ZNF667: variants seen among roughly 807,000 people sequenced by gnomAD.
The protein encoded by ZNF667 is zinc finger protein 667, also known as myocardial ischemic preconditioning upregulated 1 ortholog.
A neutral mutation model predicts 31.8 loss-of-function variants in ZNF667; 13 were observed. The ratio of observed to expected loss-of-function variants is 0.41; its 90% CI spans 0.27 to 0.65. The LOEUF (loss-of-function observed/expected upper bound fraction) is 0.65. Ranked by LOEUF, ZNF667 falls within the 30% of genes least tolerant of loss-of-function variation. ZNF667 has a pLI of 0.32. For missense variants in ZNF667, 642 were observed against 725.6 expected, an observed-to-expected ratio of 0.88 and a Z score of 1.32; for synonymous variants, 228 against 247.1, an observed-to-expected ratio of 0.92 and a Z score of 0.73.
At chr19:56,477,653 G>C (rs2043445836), upstream of ZNF667, 1 of 152,634 alleles carries the variant, frequency 6.6e-6, no homozygotes, top group Admixed American at 6.5e-5. Flanking sequence ...GATCACGTGT[G>C]GACACTGAGG....
At chr19:56,470,426 C>T (rs2043267465) in intron 3 of ZNF667, among the ~76,000 whole-genome samples, 1 of 152,314 alleles carries the variant, frequency 6.6e-6, no homozygotes, top group South Asian at 2.1e-4. Flanking sequence ...ACACCATCTC[C>T]TTTAACCTTG....
At chr19:56,446,205 T>C (rs1185071059) in intron 6 of ZNF667, among the ~76,000 whole-genome samples, 2 of 152,256 alleles carry the variant, frequency 1.3e-5, no homozygotes, top group Non-Finnish European at 2.9e-5. Flanking sequence ...TGTGACACAC[T>C]TGTTAACTCT....
chr19:56,460,812 G>C lies in ZNF667; in HGVS notation c.37C>G (p.Pro13Ala). The C allele has an allele frequency of 6.3e-7, 1 of 1,588,090 alleles. No homozygotes were observed. Among genetic ancestry groups the C allele is most frequent in the Non-Finnish European group, 8.6e-7 (1 of 1,169,350 alleles). Residue 13 changes from proline (P) to alanine (A), a missense_variant, in exon 5 of 7, where the codon CCT (proline) becomes GCT (alanine). By Grantham distance (27) the Pro-to-Ala change is conservative. Coordinates refer to ENST00000504904, the MANE Select transcript of ZNF667 (RefSeq NM_001321356.2). The stretch of plus-strand genomic sequence containing the variant: ...ATGGCTAAGTCCCCAAATGTTATAG[G>C]TGCCTGAAATGAAAAATCAAATGTC... ...SARGKSKSKA[P>A]ITFGDLAIYF...
chr19:56,470,680 G>A (rs2043273102), intron 3 of ZNF667, among the ~76,000 whole-genome samples: 1 of 152,152 alleles, frequency 6.6e-6, no homozygotes, highest in Non-Finnish European at 1.5e-5. Flanking sequence ...TTCTGTCATA[G>A]TAGAGTGGCC....
intron 6 of ZNF667, among the ~76,000 whole-genome samples, chr19:56,453,222 C>A (rs931998609): frequency 2.0e-5 from 3 of 152,124 alleles, no homozygotes; most frequent in Non-Finnish European, 4.4e-5. Flanking sequence ...GAGATTGAAG[C>A]TGTAATAAAG....
At position 56,440,040 on chromosome 19, in the gene ZNF667, A is replaced by G. The variant is rs1043592792; in HGVS notation, c.*1122T>C. The stretch of plus-strand genomic sequence containing the variant: ...TCATCTAATCCTAATTGCCTCCCAA[A>G]TGCCTCATTTCCAAGTAACATCACA... On this transcript the variant is annotated 3_prime_UTR_variant, in exon 7 of 7. Coordinates refer to ENST00000504904, the MANE Select transcript of ZNF667 (RefSeq NM_001321356.2). The G allele has an allele frequency of 6.6e-6, 1 of 152,138 alleles. No homozygotes were observed. The highest frequency in any genetic ancestry group is 1.5e-5 in the Non-Finnish European group (1 of 68,022). 9.4% of individuals were successfully genotyped at this position (152,138 alleles called of 1,614,324 possible).
intron 6 of ZNF667, among the ~76,000 whole-genome samples, chr19:56,453,612 A>G (rs2042878447): frequency 6.6e-6 from 1 of 152,222 alleles, no homozygotes; most frequent in South Asian, 2.1e-4. Context: ...GACGCTGAAA[A>G]GCATTTGATA....
In ZNF667 at chr19:56,462,439, G is replaced by A. The variant is rs1328311684; in HGVS notation, c.-59-10C>T. On this transcript the variant is annotated splice_polypyrimidine_tract_variant and intron_variant, in intron 3 of 6. Transcript: ENST00000504904. ...AGCTGGTAAGGCAGGGCTGTGGGGA[G>A]AAGACAGGTCATGAGGCAGTGCCAG... 6.3e-6 allele frequency: 10 copies of A among 1,591,806 alleles called. No homozygotes were observed. The highest frequency in any genetic ancestry group is 8.6e-6 in the Non-Finnish European group (10 of 1,159,608).
At position 56,462,408 on chromosome 19, in the gene ZNF667, G is replaced by A. The variant is rs1298717908; in HGVS notation, c.-38C>T. ...CTTTAGGGTCCACACTGAGAGATGG[G>A]CAGAGAGCTGGTAAGGCAGGGCTGT... On this transcript the variant is annotated 5_prime_UTR_variant, in exon 4 of 7. Transcript: ENST00000504904. 3 of 1,613,230 alleles carry A rather than the reference G, an allele frequency of 1.9e-6. No homozygotes were observed. Among genetic ancestry groups the A allele is most frequent in the Middle Eastern group, 3.3e-4 (2 of 6,084 alleles).
chr19:56,440,464 G>T lies in ZNF667; in HGVS notation c.*698C>A. ...GTTTGTCAGCTGAAAGTGGCACCCTGTTTTGCCGAGAAGTTCCTTATATTT... is the reference window on the plus strand; with the variant it reads ...GTTTGTCAGCTGAAAGTGGCACCCTTTTTTGCCGAGAAGTTCCTTATATTT... On this transcript the variant is annotated 3_prime_UTR_variant, in exon 7 of 7. Transcript: ENST00000504904. 1 of 481,702 alleles carries T rather than the reference G, an allele frequency of 2.1e-6. No individual in the cohort carries two copies. Among genetic ancestry groups the T allele is most frequent in the South Asian group, 8.8e-5 (1 of 11,326 alleles). 29.8% of individuals were successfully genotyped at this position (481,702 alleles called of 1,614,324 possible).
At chr19:56,469,254 G>A (rs1315426517) in intron 3 of ZNF667, among the ~76,000 whole-genome samples, 2 of 152,144 alleles carry the variant, frequency 1.3e-5, no homozygotes, top group East Asian at 1.9e-4. Context: ...ACCCACGCAC[G>A]CACATCCAGA....
intron 6 of ZNF667, among the ~76,000 whole-genome samples, chr19:56,443,873 T>C (rs2042668268): frequency 6.6e-6 from 1 of 152,186 alleles, no homozygotes; most frequent in African/African-American, 2.4e-5. Context: ...AAACTGACTA[T>C]AAACCTGAGT....
At chr19:56,466,893 G>C in intron 3 of ZNF667, 1 of 416,632 alleles carries the variant, frequency 2.4e-6, no homozygotes. Flanking sequence ...GCTCCTTACA[G>C]TTTCCCATTC....
At chr19:56,469,286 T>C (rs2043234070) in intron 3 of ZNF667, among the ~76,000 whole-genome samples, 1 of 152,094 alleles carries the variant, frequency 6.6e-6, no homozygotes, top group African/African-American at 2.4e-5. Flanking sequence ...CTGAGGAAGC[T>C]CAGGGTCCTG....
chr19:56,467,447 G>A (rs1274630604), intron 3 of ZNF667, among the ~76,000 whole-genome samples: 4 of 152,164 alleles, frequency 2.6e-5, no homozygotes, highest in Non-Finnish European at 5.9e-5. Flanking sequence ...ACATGTGTGA[G>A]GAGTTTTCCA....
intron 3 of ZNF667, among the ~76,000 whole-genome samples, chr19:56,464,722 C>A (rs763605769): frequency 3.9e-5 from 6 of 152,138 alleles, no homozygotes; most frequent in African/African-American, 7.2e-5. Flanking sequence ...GTACCTCCCC[C>A]CTCCCTAAAC....
Position 56,441,717 on chromosome 19 carries a change from T to G in ZNF667, c.1278A>C (p.Gly426=). The change falls in exon 7 of 7, where the codon GGA becomes GGC. Residue 426 remains glycine, a synonymous_variant. Transcript: ENST00000504904. This position sits in a 1 kb window ranked among gnomAD's most constrained non-coding sequence, Gnocchi z 4.2. ...ECKECGKMFS[G]TANLKIHQNI... Reference sequence around the variant, plus strand: ...TCTGATGTATTTTAAGGTTTGCAGTTCCAGAAAACATCTTCCCACATTCCT... The same window carrying G: ...TCTGATGTATTTTAAGGTTTGCAGTGCCAGAAAACATCTTCCCACATTCCT... The G allele has an allele frequency of 6.2e-7, 1 of 1,614,170 alleles. No homozygotes were observed. Among genetic ancestry groups the G allele is most frequent in the Non-Finnish European group, 8.5e-7 (1 of 1,180,018 alleles).
chr19:56,464,087 G>GT (rs1415621546), intron 3 of ZNF667, among the ~76,000 whole-genome samples: 1 of 152,022 alleles, frequency 6.6e-6, no homozygotes, highest in Non-Finnish European at 1.5e-5. Context: ...TATAAAATTT[G>GT]TATCAGATTT....
intron 3 of ZNF667, chr19:56,468,864 G>GGAA (rs1303352356): frequency 3.9e-5 from 6 of 152,254 alleles, no homozygotes; most frequent in Non-Finnish European, 7.3e-5. Context: ...ATTGCAAGAT[G>GGAA]GAAGCTATGC....
Sources: gnomAD v4.1 joint callset for allele counts (sites outside exome capture counted in the v4.1 genomes callset) on GRCh38, gnomAD v4.1.1 for gene constraint, Gnocchi (gnomAD v3.1) non-coding constraint, MANE v1.5 for transcripts, NCBI Gene and HGNC (gene_info 2026-07-23, HGNC 2026-07-21) for gene names.